EML4: variants seen among roughly 807,000 people sequenced by gnomAD.
The protein encoded by EML4 is echinoderm microtubule-associated protein-like 4.
In EML4, 72 loss-of-function variants were observed where a neutral mutation model predicts 129.0. The ratio of observed to expected loss-of-function variants is 0.56; its 90% CI spans 0.46 to 0.68. The LOEUF (loss-of-function observed/expected upper bound fraction) is 0.68, where lower values mean the gene tolerates loss of function less well. Among genes scored for constraint, EML4 ranks in the 30% least tolerant of loss-of-function variants. EML4 has a pLI of 0.00. For missense variants in EML4, 1,363 were observed against 1,190.6 expected, an observed-to-expected ratio of 1.14 and a Z score of -2.13; for synonymous variants, 532 against 405.0, an observed-to-expected ratio of 1.31 and a Z score of -3.77.
At chr2:42,292,418 C>A (rs1357488975) in intron 11 of EML4, among the ~76,000 whole-genome samples, 1 of 152,128 alleles carries the variant, frequency 6.6e-6, no homozygotes, top group African/African-American at 2.4e-5. Flanking sequence ...TATTTTCATA[C>A]AAAAGATTAC....
At chr2:42,192,014 C>T (rs1213047693) in intron 1 of EML4, among the ~76,000 whole-genome samples, 1 of 151,786 alleles carries the variant, frequency 6.6e-6, no homozygotes, top group Non-Finnish European at 1.5e-5. Context: ...TGGCACATGC[C>T]TGTAATTCCA....
At chr2:42,300,105 A>G (rs1417372034) in intron 13 of EML4, among the ~76,000 whole-genome samples, 3 of 152,238 alleles carry the variant, frequency 2.0e-5, no homozygotes, top group African/African-American at 4.8e-5. Flanking sequence ...TTTAAAATCT[A>G]TTCATCAGTT....
At chr2:42,194,392 G>T (rs1572857633) in intron 1 of EML4, among the ~76,000 whole-genome samples, 2 of 105,550 alleles carry the variant, frequency 1.9e-5, no homozygotes, top group African/African-American at 7.3e-5. Context: ...TTGTTGACTT[G>T]TACTATGGAA....
chr2:42,312,469 A>T (rs1256592531), intron 17 of EML4, among the ~76,000 whole-genome samples: 1 of 152,164 alleles, frequency 6.6e-6, no homozygotes, highest in East Asian at 1.9e-4. Context: ...TAAAGACTTC[A>T]TCTGCACAAT....
chr2:42,208,272 G>A (rs999895930), intron 1 of EML4, among the ~76,000 whole-genome samples: 2 of 151,908 alleles, frequency 1.3e-5, no homozygotes, highest in African/African-American at 4.8e-5. Flanking sequence ...CTTTGAATCT[G>A]AGTAATTTTG....
rs533631119 is a variant in EML4, at chr2:42,169,794, G to A, written c.25+158G>A. On this transcript the variant is annotated intron_variant, in intron 1 of 22. Coordinates refer to ENST00000318522, the MANE Select transcript of EML4 (RefSeq NM_019063.5). ...GGCTGCCGCCCCTCCGCGGACTCCG[G>A]TGGACTGAGGGCCCCTCCCCCATGT... The A allele has an allele frequency of 4.5e-4, 323 of 711,142 alleles. 1 individual carries two copies. In the African/African-American group the frequency reaches 5.6e-3, roughly 12 times the overall value. 44.1% of individuals were successfully genotyped at this position (711,142 alleles called of 1,614,324 possible).
chr2:42,245,772 C>T (rs13407653), intron 2 of EML4, 85 bp downstream of exon 2: 2 of 1,264,358 alleles, frequency 1.6e-6, no homozygotes, highest in African/African-American at 3.1e-5. Flanking sequence ...AAACTAGTTT[C>T]TTATGTGGAT....
At chr2:42,176,299 C>T (rs185777685) in intron 1 of EML4, among the ~76,000 whole-genome samples, 5 of 152,266 alleles carry the variant, frequency 3.3e-5, no homozygotes, top group Admixed American at 3.3e-4. Flanking sequence ...ACTTATTATT[C>T]GATGCGTGGA....
In EML4 at chr2:42,331,865, G is replaced by A. The variant is rs1005101694; in HGVS notation, c.*1658G>A. ...CTCTAGATAAGAAGATATGCACCAC[G>A]TTGAAAATACTCAGTGTAGATCTCT... On this transcript the variant is annotated 3_prime_UTR_variant, in exon 23 of 23. Transcript: ENST00000318522. The A allele has an allele frequency of 9.2e-6, 2 of 217,636 alleles. No individual in the cohort carries two copies. The highest frequency in any genetic ancestry group is 2.3e-5 in the African/African-American group (1 of 44,420). 13.5% of individuals were successfully genotyped at this position (217,636 alleles called of 1,614,324 possible). A position where few individuals can be genotyped will look rare whatever the true frequency, so the allele number is the denominator to read the frequency against.
At chr2:42,248,378 C>CT (rs1301785496) in intron 2 of EML4, among the ~76,000 whole-genome samples, 1 of 152,006 alleles carries the variant, frequency 6.6e-6, no homozygotes, top group Admixed American at 6.6e-5. Flanking sequence ...TTAAAAATTG[C>CT]TTTTTTCCCA....
chr2:42,172,743 T>C (rs1408997569), intron 1 of EML4, among the ~76,000 whole-genome samples: 1 of 152,068 alleles, frequency 6.6e-6, no homozygotes, highest in Admixed American at 6.6e-5. Flanking sequence ...ATGTGCAAAA[T>C]GTATATACTG....
At chr2:42,328,751 A>T in intron 21 of EML4, 135 bp from the exon 22 acceptor site, 1 of 672,914 alleles carries the variant, frequency 1.5e-6, no homozygotes, top group South Asian at 3.0e-5. Context: ...AGAAATTTGT[A>T]AAGGAAATGT....
intron 6 of EML4, among the ~76,000 whole-genome samples, chr2:42,265,383 G>A (rs1195215367): frequency 1.3e-5 from 2 of 152,038 alleles, no homozygotes; most frequent in East Asian, 1.9e-4. Context: ...GGGATTACAC[G>A]CATGAGCCAT....
intron 1 of EML4, among the ~76,000 whole-genome samples, chr2:42,189,318 A>G (rs1671446077): frequency 6.6e-6 from 1 of 152,160 alleles, no homozygotes; most frequent in Non-Finnish European, 1.5e-5. Context: ...CCCACTACCA[A>G]GGGAAGAGAG....
At chr2:42,213,694 A>G (rs6741884) in intron 1 of EML4, among the ~76,000 whole-genome samples, 98,891 of 152,048 alleles carry the variant, frequency 0.65, 32,579 homozygotes, top group East Asian at 0.75. Context: ...CTAGAAAACA[A>G]GAATAATTTT....
At chr2:42,328,150 G>A (rs1224383998) in intron 21 of EML4, among the ~76,000 whole-genome samples, 1 of 152,124 alleles carries the variant, frequency 6.6e-6, no homozygotes, top group Non-Finnish European at 1.5e-5. Context: ...AAAGTATTTT[G>A]ACTTGTTTTT....
Position 42,330,307 on chromosome 2 carries a change from G to A in EML4, c.*100G>A, listed in dbSNP as rs780860272. On this transcript the variant is annotated 3_prime_UTR_variant, in exon 23 of 23. Transcript: ENST00000318522. ...CAGTGATGGAGAATCACTGTTGATT[G>A]AGATTTTGGTTTCCATGTGATTTGT... 247 of 1,112,310 alleles carry A rather than the reference G, an allele frequency of 2.2e-4. No individual in the cohort carries two copies. Among genetic ancestry groups the A allele is most frequent in the Non-Finnish European group, 3.6e-5 (27 of 747,218 alleles). 68.9% of individuals were successfully genotyped at this position (1,112,310 alleles called of 1,614,324 possible).
rs1329987649 is a variant in EML4, at chr2:42,316,669, C to G, written c.2056+619C>G. ...TAATGTAGCTTTGATTCACACCACTCTTCCCTGGAGTTAGTCTGACATTGT... is the reference window on the plus strand; with the variant it reads ...TAATGTAGCTTTGATTCACACCACTGTTCCCTGGAGTTAGTCTGACATTGT... On this transcript the variant is annotated intron_variant, in intron 18 of 22. Coordinates refer to ENST00000318522, the MANE Select transcript of EML4 (RefSeq NM_019063.5). Among the ~76,000 whole-genome samples, 4 of 152,220 alleles carry G rather than the reference C, an allele frequency of 2.6e-5. No individual in the cohort carries two copies. The East Asian group carries it at 7.7e-4, about 29-fold the overall frequency.
At chr2:42,234,549 T>C (rs909927280) in intron 1 of EML4, among the ~76,000 whole-genome samples, 6 of 152,228 alleles carry the variant, frequency 3.9e-5, no homozygotes, top group African/African-American at 1.4e-4. Context: ...TGAATCTAGA[T>C]TCCTTGCTCC....
Sources: allele counts gnomAD v4.1 joint callset (sites outside exome capture counted in the v4.1 genomes callset), GRCh38; gene constraint gnomAD v4.1.1; transcripts MANE v1.5; gene names NCBI Gene and HGNC (gene_info 2026-07-23, HGNC 2026-07-21).